TENM3: variants seen among roughly 807,000 people sequenced by gnomAD.
TENM3 encodes the protein teneurin transmembrane protein 3.
TENM3 carries 63 observed loss-of-function variants against 255.1 expected under a neutral mutation model. That is an observed-to-expected ratio of 0.25 (90% CI 0.20 to 0.30). The LOEUF is 0.30. Among genes scored for constraint, TENM3 ranks in the 10% least tolerant of loss-of-function variants. The pLI, the probability that TENM3 is intolerant of heterozygous loss-of-function variation, is 1.00. For missense variants in TENM3, 2,929 were observed against 3,461.1 expected, an observed-to-expected ratio of 0.85 and a Z score of 3.86; for synonymous variants, 1,306 against 1,322.3, an observed-to-expected ratio of 0.99 and a Z score of 0.27.
chr4:181,993,367 A>C, the TENM3 span, among the ~76,000 whole-genome samples: 1 of 152,196 alleles, frequency 6.6e-6, no homozygotes, highest in African/African-American at 2.4e-5. Context: ...CTTAAAAAGC[A>C]TCATTCTTTG....
At chr4:182,173,712 G>A (rs1752256339) in intron 1 of TENM3, among the ~76,000 whole-genome samples, 1 of 152,164 alleles carries the variant, frequency 6.6e-6, no homozygotes, top group African/African-American at 2.4e-5. Flanking sequence ...TTGACACTGG[G>A]GTTGGAAATG....
the TENM3 span, among the ~76,000 whole-genome samples, chr4:181,909,841 C>A: frequency 6.6e-6 from 1 of 152,268 alleles, no homozygotes; most frequent in East Asian, 1.9e-4. Flanking sequence ...ATCTTCCAGA[C>A]TTAATTTTCT....
chr4:181,735,025 G>A, the TENM3 span, among the ~76,000 whole-genome samples: 1 of 152,018 alleles, frequency 6.6e-6, no homozygotes, highest in Non-Finnish European at 1.5e-5. Flanking sequence ...GTATGAATGA[G>A]GTGTGCTCAT....
the TENM3 span, among the ~76,000 whole-genome samples, chr4:181,862,334 T>C: frequency 6.6e-6 from 1 of 152,092 alleles, no homozygotes; most frequent in Non-Finnish European, 1.5e-5. Flanking sequence ...TCCCATATGC[T>C]ACTATATTTC....
the TENM3 span, among the ~76,000 whole-genome samples, chr4:182,088,405 G>A: frequency 8.2e-4 from 125 of 152,220 alleles, no homozygotes; most frequent in African/African-American, 2.8e-3. Context: ...AGGCAGGAAG[G>A]CAGATAAAGT....
the TENM3 span, among the ~76,000 whole-genome samples, chr4:181,893,526 C>T: frequency 3.4e-4 from 44 of 128,326 alleles, no homozygotes; most frequent in African/African-American, 1.0e-3. Flanking sequence ...TCTTAGGATG[C>T]ATCCAGTATT....
the TENM3 span, among the ~76,000 whole-genome samples, chr4:181,777,293 T>C: frequency 2.6e-5 from 4 of 152,168 alleles, no homozygotes; most frequent in Non-Finnish European, 2.9e-5. Context: ...ACCAATACCA[T>C]GCTGTTTTGG....
Position 182,754,808 on chromosome 4 carries a change from C to A in TENM3, c.4441C>A (p.Pro1481Thr), listed in dbSNP as rs765465951. The change falls in exon 22 of 28, where the codon CCA becomes ACA. Residue 1481 changes from proline to threonine, a missense_variant. By Grantham distance (38) the Pro-to-Thr change is conservative. Coordinates refer to ENST00000511685, the MANE Select transcript of TENM3 (RefSeq NM_001080477.4). The surrounding 1 kb of genome is among the most constrained non-coding windows in gnomAD (Gnocchi z 5.1). ...TGCCCCATCCTCCCTGGCTGCTTCT[C>A]CAGATGGTACACTGTATATTGCAGA... ...LSAPSSLAAS[P>T]DGTLYIADLG... 2 of 1,613,936 alleles carry A rather than the reference C, an allele frequency of 1.2e-6. No homozygotes were observed. Among genetic ancestry groups the A allele is most frequent in the Non-Finnish European group, 1.7e-6 (2 of 1,179,904 alleles).
At chr4:182,292,609 G>A (rs996446525) in intron 1 of TENM3, among the ~76,000 whole-genome samples, 3 of 152,160 alleles carry the variant, frequency 2.0e-5, no homozygotes, top group South Asian at 2.1e-4. Context: ...GCATGGTCGC[G>A]TGGGTAAATG....
chr4:181,860,805 A>T, the TENM3 span, among the ~76,000 whole-genome samples: 1 of 152,180 alleles, frequency 6.6e-6, no homozygotes, highest in Non-Finnish European at 1.5e-5. Flanking sequence ...TTTTTTTAAC[A>T]TCATATGGAG....
intron 1 of TENM3, among the ~76,000 whole-genome samples, chr4:182,161,282 G>A (rs12331606): frequency 0.91 from 120,293 of 132,920 alleles, 55,906 homozygotes; most frequent in Non-Finnish European, 0.95. Context: ...CGGGCGTGGT[G>A]GCGGGCGCCT....
At chr4:181,959,650 A>T in the TENM3 span, among the ~76,000 whole-genome samples, 3 of 152,062 alleles carry the variant, frequency 2.0e-5, no homozygotes, top group Non-Finnish European at 4.4e-5. Flanking sequence ...TTCACTTGGG[A>T]GGGGGGACAT....
At position 182,180,756 on chromosome 4, in the gene TENM3, A is replaced by G. The variant is rs183585325; in HGVS notation, c.-76+36002A>G. Reference sequence around the variant, plus strand: ...CTCCCAAAGTACTGGGATTACAGGCATAAGCTATGGCTCCTGGCCTATTGT... The same window carrying G: ...CTCCCAAAGTACTGGGATTACAGGCGTAAGCTATGGCTCCTGGCCTATTGT... On this transcript the variant is annotated intron_variant, in intron 1 of 2. Coordinates refer to the TENM3 transcript ENST00000512480. 2.0e-5 allele frequency among the ~76,000 whole-genome samples: 3 copies of G among 151,834 alleles called. No homozygotes were observed. The East Asian group carries it at 5.8e-4, about 29-fold the overall frequency.
At chr4:181,749,152 T>C in the TENM3 span, among the ~76,000 whole-genome samples, 1 of 152,124 alleles carries the variant, frequency 6.6e-6, no homozygotes, top group African/African-American at 2.4e-5. Flanking sequence ...AATTTGACTT[T>C]ATCCCTTGTG....
At chr4:182,454,933 T>C (rs911202307) in intron 3 of TENM3, among the ~76,000 whole-genome samples, 20 of 152,234 alleles carry the variant, frequency 1.3e-4, no homozygotes, top group African/African-American at 4.8e-4. Context: ...GATTGGAGTT[T>C]AGCGTATGCT....
At chr4:182,209,313 C>T (rs1177078736) in intron 1 of TENM3, among the ~76,000 whole-genome samples, 3 of 151,272 alleles carry the variant, frequency 2.0e-5, no homozygotes, top group Admixed American at 2.0e-4. Flanking sequence ...TGTTTTGACA[C>T]TGCCATGCTC....
chr4:182,202,299 C>CTTTT (rs773698031), intron 1 of TENM3, among the ~76,000 whole-genome samples: 66 of 100,600 alleles, frequency 6.6e-4, no homozygotes, highest in African/African-American at 2.5e-3. Flanking sequence ...GTGCACTGCA[C>CTTTT]TTTTTTTTTT....
the TENM3 span, among the ~76,000 whole-genome samples, chr4:181,860,724 G>C: frequency 6.6e-6 from 1 of 152,136 alleles, no homozygotes; most frequent in Non-Finnish European, 1.5e-5. Flanking sequence ...TTTTATGGGG[G>C]CTCCGGGGTC....
At chr4:182,678,793 C>G (rs2152562914) in intron 7 of TENM3, among the ~76,000 whole-genome samples, 1 of 152,244 alleles carries the variant, frequency 6.6e-6, no homozygotes, top group South Asian at 2.1e-4. Context: ...TGTGGTCTAA[C>G]TAAAACAAGG....
Sources: gnomAD v4.1 joint callset for allele counts (sites outside exome capture counted in the v4.1 genomes callset) on GRCh38, gnomAD v4.1.1 for gene constraint, Gnocchi (gnomAD v3.1) non-coding constraint, MANE v1.5 for transcripts, NCBI Gene and HGNC (gene_info 2026-07-23, HGNC 2026-07-21) for gene names.